The following SENP1 variants were observed in gnomAD, a reference collection of about 807,000 sequenced individuals.
SENP1 encodes SUMO specific peptidase 1.
In SENP1, 21 loss-of-function variants were observed where a neutral mutation model predicts 93.0. That is an observed-to-expected ratio of 0.23 (90% CI 0.16 to 0.33). The LOEUF is 0.33. SENP1 is among the 10% of genes least tolerant of loss of function. SENP1 has a pLI of 1.00. For missense variants in SENP1, 591 were observed against 758.7 expected (o/e 0.78, Z 2.60); for synonymous variants, 256 against 259.6 (o/e 0.99, Z 0.13).
chr12:48,083,610 TG>T lies in SENP1; in HGVS notation c.532del (p.His178MetfsTer31). ...LLSPKKTQRR[H>X]VSTAEETVQE... ...CCTTACCTCTTCTGCTGTACTAACATGTCGCCTCTGAGTTTTCTTGGGGCTC... is the reference window on the plus strand; with the variant it reads ...CCTTACCTCTTCTGCTGTACTAACATTCGCCTCTGAGTTTTCTTGGGGCTC... On this transcript the variant is annotated frameshift_variant, in exon 6 of 18. Transcript: ENST00000549518. LOFTEE classifies it high-confidence loss of function. 1 of 1,613,844 alleles carries T rather than the reference TG, an allele frequency of 6.2e-7. No homozygotes were observed. Among genetic ancestry groups the T allele is most frequent in the Non-Finnish European group, 8.5e-7 (1 of 1,179,818 alleles).
intron 6 of SENP1, among the ~76,000 whole-genome samples, chr12:48,077,499 C>T (rs1411082993): frequency 6.6e-6 from 1 of 152,148 alleles, no homozygotes; most frequent in African/African-American, 2.4e-5. Flanking sequence ...TTTCCCAACA[C>T]CATTTAGTGA....
chr12:48,100,650 A>G (rs1308010169), intron 2 of SENP1, among the ~76,000 whole-genome samples: 4 of 149,054 alleles, frequency 2.7e-5, no homozygotes, highest in Admixed American at 6.7e-5. Flanking sequence ...AAAAAAGAGA[A>G]AAAAAAAAAA....
rs775783131 is a variant in SENP1 at position 48,105,956 on chromosome 12, G to A, written c.-45+72C>T. 66 of 694,192 alleles carry A rather than the reference G, an allele frequency of 9.5e-5. No homozygotes were observed. The highest frequency in any genetic ancestry group is 1.5e-4 in the Non-Finnish European group (56 of 380,584). 43.0% of individuals were successfully genotyped at this position (694,192 alleles called of 1,614,324 possible). ...CCAGTCCAGCCCGGGCCGGCTGACC[G>A]GGTCCGACACAGTCTCCTGGACCAG... On this transcript the variant is annotated intron_variant, in intron 1 of 17. Coordinates refer to ENST00000549518, the MANE Select transcript of SENP1 (RefSeq NM_001267594.2).
chr12:48,049,059 T>A lies in SENP1; in HGVS notation c.1481A>T (p.Asn494Ile). ...EKGLPSVHAF[N>I]TFFFTKLKTA... ...TTTTAATTTAGTGAAGAAAAAGGTA[T>A]TAAATGCATGCACACTTGGCAAGCC... Residue 494 changes from asparagine to isoleucine, a missense_variant, in exon 14 of 18, where the codon AAT becomes ATT. Physicochemically the swap from Asn to Ile is moderately radical, Grantham distance 149. Around this residue, in one of 4 missense-constraint regions of SENP1, gnomAD observed 132 missense variants for 230.1 expected, o/e 0.57. Coordinates refer to ENST00000549518, the MANE Select transcript of SENP1 (RefSeq NM_001267594.2). The A allele has an allele frequency of 6.2e-7, 1 of 1,613,696 alleles. No individual in the cohort carries two copies. The highest frequency in any genetic ancestry group is 8.5e-7 in the Non-Finnish European group (1 of 1,179,650).
At chr12:48,055,943 A>G (rs1942232306) in intron 13 of SENP1, among the ~76,000 whole-genome samples, 1 of 136,894 alleles carries the variant, frequency 7.3e-6, no homozygotes, top group African/African-American at 2.7e-5. Context: ...TATAACATAT[A>G]TTAATAATAT....
chr12:48,068,141 C>G (rs1009771610), intron 9 of SENP1, among the ~76,000 whole-genome samples: 1 of 152,082 alleles, frequency 6.6e-6, no homozygotes, highest in African/African-American at 2.4e-5. Flanking sequence ...TCCCAAAGTG[C>G]TAGGATTACA....
At chr12:48,075,650 T>A (rs1840185589) in intron 6 of SENP1, among the ~76,000 whole-genome samples, 1 of 152,342 alleles carries the variant, frequency 6.6e-6, no homozygotes, top group Non-Finnish European at 1.5e-5. Flanking sequence ...CTAACATTCA[T>A]TCATTGACAT....
intron 2 of SENP1, among the ~76,000 whole-genome samples, chr12:48,101,003 G>T (rs1256875468): frequency 6.6e-6 from 1 of 152,174 alleles, no homozygotes; most frequent in East Asian, 1.9e-4. Context: ...ATAATTATGT[G>T]GGCTGGGTGC....
Position 48,098,018 on chromosome 12 carries a change from G to T in SENP1, c.111C>A (p.Asp37Glu). 6.2e-7 allele frequency: 1 copy of T among 1,613,774 alleles called. No homozygotes were observed. The highest frequency in any genetic ancestry group is 8.5e-7 in the Non-Finnish European group (1 of 1,179,758). Reference sequence around the variant, plus strand: ...CCTGCTGGTCAGAAAGCGAAAGCTGGTCCTCTGGAAAACCTGTTTGTGGCA... The same window carrying T: ...CCTGCTGGTCAGAAAGCGAAAGCTGTTCCTCTGGAAAACCTGTTTGTGGCA... ...HLLPQTGFPE[D>E]QLSLSDQQIL... is the part of the protein sequence containing the mutation. Residue 37 changes from aspartate to glutamate, a missense_variant, in exon 3 of 18, where the codon GAC becomes GAA. Physicochemically the swap from Asp to Glu is conservative, Grantham distance 45. Coordinates refer to ENST00000549518, the MANE Select transcript of SENP1 (RefSeq NM_001267594.2).
chr12:48,104,417 T>C (rs1946294879), intron 1 of SENP1, among the ~76,000 whole-genome samples: 1 of 152,166 alleles, frequency 6.6e-6, no homozygotes, highest in African/African-American at 2.4e-5. Flanking sequence ...AAAACAATTA[T>C]GTGTACAATA....
At position 48,047,047 on chromosome 12, in the gene SENP1, T is replaced by C. The variant is rs1174826538; in HGVS notation, c.1707A>G (p.Gln569=). 2 of 1,611,650 alleles carry C rather than the reference T, an allele frequency of 1.2e-6. No individual in the cohort carries two copies. Among genetic ancestry groups the C allele is most frequent in the East Asian group, 2.2e-5 (1 of 44,878 alleles). Residue 569 remains glutamine, a synonymous_variant, in exon 16 of 18, where the codon CAA becomes CAG. Coordinates refer to ENST00000549518, the MANE Select transcript of SENP1 (RefSeq NM_001267594.2). ...ACRILLQYLK[Q]ESIDKKRKEF... is the part of the protein sequence containing the mutation. ...CTTTCCTTTTCTTGTCAATGCTTTC[T>C]TGCTTTAGGTATTGCCTAAAGGTAT...
chr12:48,080,718 T>G (rs894951969), intron 6 of SENP1, among the ~76,000 whole-genome samples: 19 of 152,224 alleles, frequency 1.2e-4, no homozygotes, highest in African/African-American at 4.6e-4. Context: ...GTTGAAAGTC[T>G]GATAATAAAG....
At chr12:48,098,432 C>T (rs1945707331) in intron 2 of SENP1, among the ~76,000 whole-genome samples, 1 of 151,954 alleles carries the variant, frequency 6.6e-6, no homozygotes, top group African/African-American at 2.4e-5. Flanking sequence ...ATCACGGGGT[C>T]AGGAGTTCAA....
Position 48,043,836 on chromosome 12 carries a change from G to C in SENP1, c.*1486C>G, listed in dbSNP as rs558046290. Reference sequence around the variant, plus strand: ...TAAAACATAGAAAAATGTACTAAACGAGCTTGTATAAAACAGTAAAATTTT... The same window carrying C: ...TAAAACATAGAAAAATGTACTAAACCAGCTTGTATAAAACAGTAAAATTTT... On this transcript the variant is annotated 3_prime_UTR_variant, in exon 18 of 18. Coordinates refer to ENST00000549518, the MANE Select transcript of SENP1 (RefSeq NM_001267594.2). The C allele has an allele frequency of 1.3e-5, 2 of 152,502 alleles. No individual in the cohort carries two copies. The highest frequency in any genetic ancestry group is 2.4e-5 in the African/African-American group (1 of 41,410). The allele number at this position is 152,502 out of a possible 1,614,324, so 9.4% of individuals were successfully genotyped here. A position where few individuals can be genotyped will look rare whatever the true frequency, so the allele number is the denominator to read the frequency against.
intron 4 of SENP1, among the ~76,000 whole-genome samples, chr12:48,093,022 G>A (rs1412657156): frequency 6.6e-6 from 1 of 152,010 alleles, no homozygotes; most frequent in Non-Finnish European, 1.5e-5. Context: ...GCAAATGAAG[G>A]CACACACCCA....
chr12:48,079,204 A>G (rs1944343205), intron 6 of SENP1, among the ~76,000 whole-genome samples: 1 of 152,082 alleles, frequency 6.6e-6, no homozygotes, highest in Non-Finnish European at 1.5e-5. Context: ...TCTTTACTGA[A>G]TAAGAAAATT....
rs1185762592 is a variant in SENP1 at position 48,097,954 on chromosome 12, C to T, written c.135+40G>A. ...ATAAGATGAAAACTTATGATGAGCC[C>T]AAATAATTAATTAATTAAAGGAAGA... On this transcript the variant is annotated intron_variant, in intron 3 of 17. Transcript: ENST00000549518. 3.2e-6 allele frequency: 5 copies of T among 1,582,740 alleles called. 1 individual carries two copies. The South Asian group carries it at 5.7e-5, about 18-fold the overall frequency.
At chr12:48,056,161 GTATATATTATTTTATATATATTATTTA>G (rs1565742685) in intron 13 of SENP1, among the ~76,000 whole-genome samples, 2 of 107,958 alleles carry the variant, frequency 1.9e-5, no homozygotes, top group African/African-American at 7.8e-5. Flanking sequence ...TTAATATATA[GTATATATTATTTTATATATATTATTTA>G]ATATATAGTA....
Position 48,048,000 on chromosome 12 carries a change from C to T in SENP1, c.1691+1G>A, listed in dbSNP as rs1941498282. ...TCTTCTGTCCTCAACTCCCTACTTA[C>T]AAGAGTATTCTGCAGGCTTCATTGT... On this transcript the variant is annotated splice_donor_variant, in intron 15 of 17. Coordinates refer to ENST00000549518, the MANE Select transcript of SENP1 (RefSeq NM_001267594.2). LOFTEE classifies it high-confidence loss of function. 2 of 1,592,734 alleles carry T rather than the reference C, an allele frequency of 1.3e-6. No homozygotes were observed. Among genetic ancestry groups the T allele is most frequent in the Non-Finnish European group, 1.7e-6 (2 of 1,160,970 alleles).
Sources: allele counts gnomAD v4.1 joint callset (sites outside exome capture counted in the v4.1 genomes callset), GRCh38; gene constraint gnomAD v4.1.1; regional missense constraint gnomAD v4.1.1; transcripts MANE v1.5; gene names NCBI Gene and HGNC (gene_info 2026-07-23, HGNC 2026-07-21).